PARD3: variants seen among roughly 807,000 people sequenced by gnomAD.
PARD3 encodes the protein partitioning defective 3 homolog.
A neutral mutation model predicts 155.4 loss-of-function variants in PARD3; 75 were observed. That is an observed-to-expected ratio of 0.48 (90% CI 0.40 to 0.58). The LOEUF (loss-of-function observed/expected upper bound fraction) is 0.58. Ranked by LOEUF, PARD3 falls within the 20% of genes least tolerant of loss-of-function variation. PARD3 has a pLI of 0.00. For missense variants in PARD3, 1,642 were observed against 1,721.7 expected (o/e 0.95, Z 0.82); for synonymous variants, 576 against 610.5 (o/e 0.94, Z 0.83).
At chr10:34,644,571 T>C (rs1029938706) in intron 2 of PARD3, among the ~76,000 whole-genome samples, 1 of 152,216 alleles carries the variant, frequency 6.6e-6, no homozygotes, top group African/African-American at 2.4e-5. Flanking sequence ...AATTCTTAAC[T>C]GGTGGCTTAT....
chr10:34,392,142 TAAAG>T (rs749914663), intron 7 of PARD3, among the ~76,000 whole-genome samples: 12 of 151,238 alleles, frequency 7.9e-5, no homozygotes, highest in East Asian at 3.9e-4. Flanking sequence ...TCAAAAAATA[TAAAG>T]AAAGAAAGAA....
intron 1 of PARD3, among the ~76,000 whole-genome samples, chr10:34,698,412 CAAT>C (rs1320743540): frequency 1.3e-5 from 2 of 152,180 alleles, no homozygotes; most frequent in Non-Finnish European, 2.9e-5. Context: ...CCAAGGCCTC[CAAT>C]GCCTGGACCA....
At chr10:34,792,508 T>C (rs1238600830) in intron 1 of PARD3, among the ~76,000 whole-genome samples, 1 of 152,222 alleles carries the variant, frequency 6.6e-6, no homozygotes, top group Admixed American at 6.5e-5. Context: ...TGTTTAATTA[T>C]AAAAGATTAA....
chr10:34,735,178 G>A (rs904257415), intron 1 of PARD3, among the ~76,000 whole-genome samples: 10 of 152,240 alleles, frequency 6.6e-5, no homozygotes, highest in African/African-American at 2.2e-4. Flanking sequence ...TAGTATTCAC[G>A]AGAGAGATCA....
chr10:34,782,779 T>C (rs923559681), intron 1 of PARD3, among the ~76,000 whole-genome samples: 9 of 151,114 alleles, frequency 6.0e-5, no homozygotes, highest in African/African-American at 2.2e-4. Flanking sequence ...CAGGCTAGAG[T>C]GTAGTGGCGT....
chr10:34,532,829 A>G (rs1028012209), intron 2 of PARD3, among the ~76,000 whole-genome samples: 4 of 152,020 alleles, frequency 2.6e-5, no homozygotes, highest in African/African-American at 9.7e-5. Flanking sequence ...GTTCTACTCC[A>G]TTTTTCTACT....
intron 15 of PARD3, among the ~76,000 whole-genome samples, chr10:34,347,067 T>C (rs1004375754): frequency 6.6e-6 from 1 of 152,230 alleles, no homozygotes; most frequent in Admixed American, 6.5e-5. Context: ...GGCTCCATAA[T>C]GGAAACTTGA....
intron 2 of PARD3, among the ~76,000 whole-genome samples, chr10:34,583,568 A>T (rs999986770): frequency 6.6e-6 from 1 of 152,138 alleles, no homozygotes; most frequent in Non-Finnish European, 1.5e-5. Flanking sequence ...ATGTTCCATC[A>T]ATCAGTCCAG....
intron 2 of PARD3, among the ~76,000 whole-genome samples, chr10:34,572,004 A>C (rs1292247948): frequency 1.3e-5 from 2 of 152,190 alleles, no homozygotes; most frequent in African/African-American, 4.8e-5. Flanking sequence ...AAGCAACTAG[A>C]ATTTCTACAA....
intron 23 of PARD3, among the ~76,000 whole-genome samples, chr10:34,123,939 C>T (rs889582196): frequency 2.6e-5 from 4 of 152,070 alleles, no homozygotes; most frequent in African/African-American, 4.8e-5. Flanking sequence ...GCTTAATATG[C>T]GAGTGTGCTG....
chr10:34,372,454 A>G (rs775825200), intron 12 of PARD3, 44 bp downstream of exon 12: 2 of 1,460,836 alleles, frequency 1.4e-6, no homozygotes, highest in Admixed American at 1.7e-5. Context: ...AGTTCCATGT[A>G]TCTTTCCAAC....
chr10:34,747,421 C>T (rs1835454251), intron 1 of PARD3, among the ~76,000 whole-genome samples: 1 of 152,042 alleles, frequency 6.6e-6, no homozygotes, highest in East Asian at 1.9e-4. Flanking sequence ...ATAAAGAGGC[C>T]ATTTCTAAAT....
intron 5 of PARD3, among the ~76,000 whole-genome samples, chr10:34,416,774 T>A (rs1183964699): frequency 6.6e-6 from 1 of 152,208 alleles, no homozygotes; most frequent in African/African-American, 2.4e-5. Context: ...ATGTATGAAT[T>A]TTGTGACTTT....
At chr10:34,649,436 G>A (rs573660401) in intron 2 of PARD3, among the ~76,000 whole-genome samples, 3 of 152,334 alleles carry the variant, frequency 2.0e-5, no homozygotes, top group African/African-American at 7.2e-5. Context: ...CCTGTACAAC[G>A]TGTTATTGTC....
chr10:34,270,205 A>C (rs1276309105), intron 21 of PARD3, among the ~76,000 whole-genome samples: 3 of 148,074 alleles, frequency 2.0e-5, no homozygotes, highest in African/African-American at 7.5e-5. Flanking sequence ...CAGTGGCATG[A>C]GATCTTGGCT....
chr10:34,295,657 T>C (rs759968234), intron 20 of PARD3, among the ~76,000 whole-genome samples: 1 of 152,244 alleles, frequency 6.6e-6, no homozygotes, highest in Non-Finnish European at 1.5e-5. Context: ...TTTCCCTGGC[T>C]GCAGGTGGAA....
rs551613458 is a variant in PARD3, at chr10:34,319,278, A to G, written c.2834-1940T>C. 4.0e-5 allele frequency among the ~76,000 whole-genome samples: 6 copies of G among 150,966 alleles called. No individual in the cohort carries two copies. In the South Asian group the frequency reaches 1.3e-3, roughly 32 times the overall value. On this transcript the variant is annotated intron_variant, in intron 19 of 24. Coordinates refer to ENST00000374788, the MANE Select transcript of PARD3 (RefSeq NM_001184785.2). Reference sequence around the variant, plus strand: ...TAATTTTTGTATTTTTAGTAGAGATAGGAATTCACCATGTTGGCCAGGATG... The same window carrying G: ...TAATTTTTGTATTTTTAGTAGAGATGGGAATTCACCATGTTGGCCAGGATG...
At chr10:34,551,744 T>C (rs1589980387) in intron 2 of PARD3, among the ~76,000 whole-genome samples, 1 of 152,066 alleles carries the variant, frequency 6.6e-6, no homozygotes, top group East Asian at 1.9e-4. Flanking sequence ...GCACTGGGGG[T>C]GGCCATGGGG....
chr10:34,475,936 T>C (rs896980109), intron 3 of PARD3, among the ~76,000 whole-genome samples: 12 of 152,088 alleles, frequency 7.9e-5, no homozygotes, highest in African/African-American at 2.4e-4. Context: ...GAAAACGCTG[T>C]TCTATGAGAA....
Sources: gnomAD v4.1 joint callset for allele counts (sites outside exome capture counted in the v4.1 genomes callset) on GRCh38, gnomAD v4.1.1 for gene constraint, MANE v1.5 for transcripts, NCBI Gene and HGNC (gene_info 2026-07-23, HGNC 2026-07-21) for gene names.